Variants in KANSL1 observed in about 807,000 individuals in gnomAD.
The protein encoded by KANSL1 is MLL1/MLL complex subunit KANSL1.
In KANSL1, 22 loss-of-function variants were observed where a neutral mutation model predicts 103.6. The observed-to-expected ratio is 0.21, with a 90% CI of 0.15 to 0.30. KANSL1 has a LOEUF of 0.30. KANSL1 is among the 10% of genes least tolerant of loss of function. KANSL1 has a pLI of 1.00. For synonymous variants in KANSL1, 600 were observed against 527.6 expected (o/e 1.14, Z -1.88); for missense variants, 1,337 against 1,399.8 (o/e 0.96, Z 0.72).
chr17:46,178,360 C>A (rs1352265685), intron 1 of KANSL1, among the ~76,000 whole-genome samples: 1 of 152,220 alleles, frequency 6.6e-6, no homozygotes, highest in Admixed American at 6.5e-5. Context: ...ATCCTCATAA[C>A]AACCTGGGCA....
intron 2 of KANSL1, among the ~76,000 whole-genome samples, chr17:46,169,089 T>C (rs2046152608): frequency 3.3e-5 from 5 of 152,370 alleles, no homozygotes; most frequent in Admixed American, 3.3e-4. Context: ...GTGCATGCAA[T>C]TTAAAATCCT....
chr17:46,177,784 T>TG (rs1324936572), intron 1 of KANSL1, among the ~76,000 whole-genome samples: 2 of 152,110 alleles, frequency 1.3e-5, no homozygotes, highest in Non-Finnish European at 2.9e-5. Context: ...AACATTCTTT[T>TG]TTTTTTTTTA....
intron 1 of KANSL1, among the ~76,000 whole-genome samples, chr17:46,206,550 AC>A (rs550265167): frequency 8.1e-4 from 124 of 152,318 alleles, no homozygotes; most frequent in African/African-American, 2.8e-3. Flanking sequence ...ACAAAGCAAG[AC>A]CCCCATCTCT....
intron 10 of KANSL1, among the ~76,000 whole-genome samples, chr17:46,036,279 C>A (rs2077146435): frequency 6.6e-6 from 1 of 152,166 alleles, no homozygotes; most frequent in Admixed American, 6.5e-5. Context: ...TCTGATGCAG[C>A]TACTGGCTTT....
intron 2 of KANSL1, among the ~76,000 whole-genome samples, chr17:46,111,212 C>G (rs2042787557): frequency 6.6e-6 from 1 of 152,174 alleles, no homozygotes; most frequent in South Asian, 2.1e-4. Context: ...CAAGAAAACA[C>G]TGAAAGATAA....
intron 1 of KANSL1, among the ~76,000 whole-genome samples, chr17:46,206,691 C>CGGATT (rs1469183577): frequency 6.6e-6 from 1 of 151,978 alleles, no homozygotes; most frequent in African/African-American, 2.4e-5. Flanking sequence ...AATTTAAACA[C>CGGATT]GGATTATAGA....
chr17:46,181,705 T>C (rs1054945042), intron 1 of KANSL1, among the ~76,000 whole-genome samples: 23 of 152,228 alleles, frequency 1.5e-4, no homozygotes, highest in African/African-American at 5.5e-4. Flanking sequence ...GTGCTGGAAT[T>C]ACAGGCATGA....
At chr17:46,190,758 A>T (rs1196683587) in intron 1 of KANSL1, among the ~76,000 whole-genome samples, 1 of 152,282 alleles carries the variant, frequency 6.6e-6, no homozygotes, top group African/African-American at 2.4e-5. Context: ...CAAATATGCT[A>T]AAGGTCGAAG....
chr17:46,051,685 T>A (rs1161277163), intron 6 of KANSL1, among the ~76,000 whole-genome samples: 1 of 152,200 alleles, frequency 6.6e-6, no homozygotes, highest in East Asian at 1.9e-4. Flanking sequence ...AATGGCACTA[T>A]AAGAAGGCAT....
At chr17:46,092,231 A>C (rs1343325713) in intron 3 of KANSL1, among the ~76,000 whole-genome samples, 3 of 152,244 alleles carry the variant, frequency 2.0e-5, no homozygotes, top group Non-Finnish European at 4.4e-5. Context: ...GCAATGTGTG[A>C]TGGTATATAC....
At chr17:46,169,888 A>G (rs887865532) in intron 2 of KANSL1, among the ~76,000 whole-genome samples, 8 of 152,226 alleles carry the variant, frequency 5.3e-5, no homozygotes, top group Non-Finnish European at 1.2e-4. Context: ...ATTTAGAAAA[A>G]CCAGTAAGAT....
At chr17:46,123,548 C>A (rs897561228) in intron 2 of KANSL1, among the ~76,000 whole-genome samples, 2 of 152,156 alleles carry the variant, frequency 1.3e-5, no homozygotes, top group African/African-American at 4.8e-5. Flanking sequence ...AGTGAACACA[C>A]AAATCGTAAG....
intron 1 of KANSL1, among the ~76,000 whole-genome samples, chr17:46,181,904 A>T (rs1251652318): frequency 6.6e-6 from 1 of 151,898 alleles, no homozygotes; most frequent in Non-Finnish European, 1.5e-5. Flanking sequence ...TTGTCCCCAA[A>T]CTTACTAATT....
chr17:46,062,134 A>AAAAC (rs67483415), intron 6 of KANSL1, among the ~76,000 whole-genome samples: 18 of 132,848 alleles, frequency 1.4e-4, no homozygotes, highest in South Asian at 2.9e-4. Flanking sequence ...AAAAAAAAAA[A>AAAAC]CATGTTACAG....
intron 10 of KANSL1, chr17:46,035,716 C>G (rs1458710301): frequency 6.6e-6 from 1 of 152,206 alleles, no homozygotes; most frequent in African/African-American, 2.4e-5. Context: ...TCAAGAGAGA[C>G]AGCCTTCCCA....
intron 2 of KANSL1, chr17:46,157,022 T>C (rs1295333930): frequency 6.6e-6 from 1 of 152,278 alleles, no homozygotes; most frequent in African/African-American, 2.4e-5. Context: ...TCCTTGCCCT[T>C]TGGTGGCAAG....
chr17:46,132,868 G>C (rs2043934333), intron 2 of KANSL1, among the ~76,000 whole-genome samples: 1 of 152,178 alleles, frequency 6.6e-6, no homozygotes, highest in Non-Finnish European at 1.5e-5. Flanking sequence ...ACTTGAGCCT[G>C]GGAGGTCGAG....
chr17:46,072,411 GT>G (rs2078611444), intron 4 of KANSL1, among the ~76,000 whole-genome samples: 1 of 152,140 alleles, frequency 6.6e-6, no homozygotes, highest in African/African-American at 2.4e-5. Context: ...GTTTTGGTTA[GT>G]TATTCCCTTT....
intron 2 of KANSL1, among the ~76,000 whole-genome samples, chr17:46,141,308 A>AG: frequency 6.6e-6 from 1 of 152,218 alleles, no homozygotes; most frequent in Non-Finnish European, 1.5e-5. Context: ...TATCCCACAG[A>AG]GCAAAATCCA....
Sources: allele counts gnomAD v4.1 joint callset (sites outside exome capture counted in the v4.1 genomes callset), GRCh38; gene constraint gnomAD v4.1.1; transcripts MANE v1.5; gene names NCBI Gene and HGNC (gene_info 2026-07-23, HGNC 2026-07-21).